RELB: variants seen among roughly 807,000 people sequenced by gnomAD.
The protein encoded by RELB is RELB proto-oncogene, NF-kB subunit.
A neutral mutation model predicts 55.4 loss-of-function variants in RELB; 14 were observed. That is an observed-to-expected ratio of 0.25 (90% CI 0.17 to 0.40). The LOEUF (loss-of-function observed/expected upper bound fraction) is 0.40. Ranked by LOEUF, RELB falls within the 10% of genes least tolerant of loss-of-function variation. The probability of loss-of-function intolerance (pLI) is 1.00; values close to 1 mark genes in which losing one functional copy is unlikely to be tolerated. For synonymous variants in RELB, 409 were observed against 371.3 expected (o/e 1.10, Z -1.17); for missense variants, 669 against 830.7 (o/e 0.81, Z 2.39).
chr19:45,029,625 G>A (rs750694453), intron 8 of RELB, among the ~76,000 whole-genome samples: 3 of 152,026 alleles, frequency 2.0e-5, no homozygotes, highest in East Asian at 1.9e-4. Flanking sequence ...CAAGGTGGGC[G>A]GATCACCTGA....
intron 1 of RELB, among the ~76,000 whole-genome samples, chr19:45,001,948 C>T (rs1200836401): frequency 2.0e-5 from 3 of 151,490 alleles, no homozygotes; most frequent in Non-Finnish European, 4.4e-5. Context: ...GGGGGCGTGG[C>T]CTGACTCAGA....
rs764645384 is a variant in RELB, at chr19:45,037,808, A to AG, written c.*22dup. On this transcript the variant is annotated 3_prime_UTR_variant, in exon 12 of 12. Transcript: ENST00000221452. ...CCACGTAGCCCCGCGATGCCAGAGG[A>AG]GGGGCACTGGGTGGGGAGGGAGGTG... is the stretch of plus-strand genomic sequence containing the variant. The AG allele has an allele frequency of 8.8e-6, 13 of 1,477,432 alleles. No individual in the cohort carries two copies. In the South Asian group the frequency reaches 1.7e-4, roughly 19 times the overall value. 91.5% of individuals were successfully genotyped at this position (1,477,432 alleles called of 1,614,324 possible).
intron 8 of RELB, among the ~76,000 whole-genome samples, chr19:45,031,446 A>ACTGT (rs1971619697): frequency 1.3e-5 from 2 of 152,136 alleles, no homozygotes; most frequent in East Asian, 1.9e-4. Context: ...TTCTCTGCTG[A>ACTGT]CTGTGCCTGG....
chr19:45,009,883 G>T, intron 3 of RELB, 61 bp downstream of exon 3: 5 of 1,426,826 alleles, frequency 3.5e-6, no homozygotes, highest in Admixed American at 1.7e-5. Flanking sequence ...ACAGAAGGGG[G>T]TCTTGGCCTT....
intron 4 of RELB, among the ~76,000 whole-genome samples, chr19:45,019,628 G>A (rs145845942): frequency 1.3e-5 from 2 of 152,048 alleles, no homozygotes; most frequent in African/African-American, 4.8e-5. Flanking sequence ...GTTGCATTTG[G>A]TTGTCCTATC....
In RELB at chr19:45,025,756, G is replaced by A; in HGVS notation, c.886+19G>A. On this transcript the variant is annotated intron_variant, in intron 7 of 11. Coordinates refer to ENST00000221452, the MANE Select transcript of RELB (RefSeq NM_006509.4). ...GACAAGAGTGAGTTGAGAGTGCTGT[G>A]GCCGTTAGGATTGCCCTTGGCTGCA... The A allele has an allele frequency of 6.2e-7, 1 of 1,613,756 alleles. No individual in the cohort carries two copies. Among genetic ancestry groups the A allele is most frequent in the Non-Finnish European group, 8.5e-7 (1 of 1,179,752 alleles).
At chr19:45,033,046 A>G (rs1191199823) in intron 9 of RELB, among the ~76,000 whole-genome samples, 2 of 152,124 alleles carry the variant, frequency 1.3e-5, no homozygotes, top group Non-Finnish European at 2.9e-5. Flanking sequence ...ATTGCTAGAG[A>G]CACAGCAGTG....
intron 1 of RELB, 61 bp downstream of exon 1, chr19:45,001,746 G>C: frequency 8.5e-7 from 1 of 1,170,088 alleles, no homozygotes; most frequent in East Asian, 2.9e-5. Flanking sequence ...CGGGGATTCT[G>C]GCGGTCCCGG....
intron 4 of RELB, chr19:45,021,815 T>C (rs1428976689): frequency 2.4e-6 from 1 of 412,484 alleles, no homozygotes; most frequent in African/African-American, 2.0e-5. Flanking sequence ...CCTCAGGTGA[T>C]CCGCCCACCT....
rs190031673 is a variant in RELB at position 45,028,864 on chromosome 19, C to T, written c.887-24C>T. 75 of 1,551,978 alleles carry T rather than the reference C, an allele frequency of 4.8e-5. No individual in the cohort carries two copies. In the African/African-American group the frequency reaches 9.1e-4, roughly 19 times the overall value. On this transcript the variant is annotated intron_variant, in intron 7 of 11. Transcript: ENST00000221452. ...AATTCTCGGGATTTTTTTTAATACACTTCTTCCTCTTGCTCCTTCCCAGAA... is the reference window on the plus strand; with the variant it reads ...AATTCTCGGGATTTTTTTTAATACATTTCTTCCTCTTGCTCCTTCCCAGAA...
intron 9 of RELB, 73 bp from the exon 10 acceptor site, chr19:45,034,159 AAAATAAATAAAT>A (rs36092616): frequency 4.3e-6 from 4 of 930,440 alleles, no homozygotes; most frequent in South Asian, 3.4e-5. Context: ...ACTGTCTCTA[AAAATAAATAAAT>A]AAATAAATAA....
At chr19:45,033,545 C>T (rs540781972) in intron 9 of RELB, among the ~76,000 whole-genome samples, 6 of 151,434 alleles carry the variant, frequency 4.0e-5, no homozygotes, top group African/African-American at 9.7e-5. Context: ...ATTAGCCGGG[C>T]GTGGTGGTGG....
At chr19:45,009,682 G>C (rs1299182098) in intron 2 of RELB, 132 bp from the exon 3 acceptor site, 7 of 1,013,120 alleles carry the variant, frequency 6.9e-6, no homozygotes, top group Non-Finnish European at 1.0e-5. Context: ...TCAGAGCCCA[G>C]GGTTTCCCAG....
intron 3 of RELB, among the ~76,000 whole-genome samples, chr19:45,011,452 G>A (rs1325076134): frequency 6.6e-6 from 1 of 151,448 alleles, no homozygotes; most frequent in Non-Finnish European, 1.5e-5. Flanking sequence ...ATGAGCCACC[G>A]CGCCCAGCCT....
chr19:45,034,336 A>C (rs1971661666), intron 10 of RELB, 24 bp downstream of exon 10: 1 of 1,610,670 alleles, frequency 6.2e-7, no homozygotes, highest in African/African-American at 1.3e-5. Context: ...GCCCCTTTCC[A>C]CCCCCATCCC....
intron 3 of RELB, among the ~76,000 whole-genome samples, chr19:45,010,164 A>G (rs1390444785): frequency 4.0e-5 from 6 of 151,258 alleles, no homozygotes; most frequent in Non-Finnish European, 1.5e-5. Flanking sequence ...TTAGCCGGGC[A>G]TGGTGGTGCG....
At chr19:45,003,915 G>GGT (rs1405162566) in intron 2 of RELB, among the ~76,000 whole-genome samples, 3 of 63,572 alleles carry the variant, frequency 4.7e-5, no homozygotes, top group African/African-American at 5.9e-5. Context: ...TGTTTTTTGT[G>GGT]TTTTTTTTTT....
chr19:45,006,032 G>C (rs534158580), intron 2 of RELB, among the ~76,000 whole-genome samples: 39 of 152,346 alleles, frequency 2.6e-4, no homozygotes, highest in Admixed American at 7.8e-4. Flanking sequence ...GAGCAGTGCT[G>C]AGGACAGGCC....
chr19:45,036,486 C>T (rs1433058003), intron 11 of RELB, among the ~76,000 whole-genome samples: 2 of 152,124 alleles, frequency 1.3e-5, no homozygotes, highest in Non-Finnish European at 2.9e-5. Flanking sequence ...CTGGTGACTT[C>T]CCAACTTGTG....
Sources: allele counts gnomAD v4.1 joint callset (sites outside exome capture counted in the v4.1 genomes callset), GRCh38; gene constraint gnomAD v4.1.1; transcripts MANE v1.5; gene names NCBI Gene and HGNC (gene_info 2026-07-23, HGNC 2026-07-21).